Variants in MAPK8IP3 observed in about 807,000 individuals in gnomAD.
MAPK8IP3 encodes the protein C-Jun-amino-terminal kinase-interacting protein 3.
A neutral mutation model predicts 157.8 loss-of-function variants in MAPK8IP3; 49 were observed. That is an observed-to-expected ratio of 0.31 (90% confidence interval 0.25 to 0.39). MAPK8IP3 has a LOEUF of 0.39. Among genes scored for constraint, MAPK8IP3 ranks in the 10% least tolerant of loss-of-function variants. The probability of loss-of-function intolerance (pLI) is 1.00; values close to 1 mark genes in which losing one functional copy is unlikely to be tolerated. For missense variants in MAPK8IP3, 1,478 were observed against 1,889.4 expected (o/e 0.78, Z 4.04); for synonymous variants, 897 against 777.7 (o/e 1.15, Z -2.55).
intron 2 of MAPK8IP3, among the ~76,000 whole-genome samples, chr16:1,727,271 C>T (rs749493189): frequency 1.4e-5 from 2 of 139,754 alleles, no homozygotes; most frequent in Non-Finnish European, 3.1e-5. Context: ...TGTGTAGCGT[C>T]TGTGAGTTGT....
In MAPK8IP3 at chr16:1,766,735, C is replaced by T. The variant is rs560987601; in HGVS notation, c.2952C>T (p.His984=). Residue 984 remains histidine (H), a synonymous_variant, in exon 24 of 32, where the codon CAC becomes CAT. Coordinates refer to ENST00000610761, the MANE Select transcript of MAPK8IP3 (RefSeq NM_001318852.2). ...LGAQNGWLYV[H]SAVANWKKCL... Reference sequence around the variant, plus strand: ...CTTCCTTCCCTAGGCTCTATGTGCACTCGGCTGTGGCCAACTGGAAGAAGT... The same window carrying T: ...CTTCCTTCCCTAGGCTCTATGTGCATTCGGCTGTGGCCAACTGGAAGAAGT... 35 of 1,612,856 alleles carry T rather than the reference C, an allele frequency of 2.2e-5. No individual in the cohort carries two copies. The Admixed American group carries it at 4.7e-4, about 21-fold the overall frequency.
chr16:1,714,412 T>TTC (rs2038006304), intron 1 of MAPK8IP3, among the ~76,000 whole-genome samples: 1 of 152,240 alleles, frequency 6.6e-6, no homozygotes, highest in African/African-American at 2.4e-5. Flanking sequence ...GAGCCACTGT[T>TTC]ACGGCAAGAG....
intron 4 of MAPK8IP3, among the ~76,000 whole-genome samples, chr16:1,739,114 G>C (rs1036463696): frequency 7.1e-6 from 1 of 140,320 alleles, no homozygotes; most frequent in Admixed American, 7.3e-5. Flanking sequence ...CCGTCTGTGT[G>C]AGCATCCGTG....
chr16:1,740,659 C>T (rs550733599), intron 4 of MAPK8IP3, among the ~76,000 whole-genome samples: 2 of 152,356 alleles, frequency 1.3e-5, no homozygotes, highest in South Asian at 4.1e-4. Context: ...TGTGCTGTCG[C>T]TGCCGTGTGC....
At chr16:1,723,745 G>A (rs570940988) in intron 1 of MAPK8IP3, among the ~76,000 whole-genome samples, 1 of 152,264 alleles carries the variant, frequency 6.6e-6, no homozygotes, top group South Asian at 2.1e-4. Flanking sequence ...CTCCCTCTCT[G>A]GGCTGCTGTA....
At chr16:1,739,184 A>G (rs1409197835) in intron 4 of MAPK8IP3, among the ~76,000 whole-genome samples, 1 of 104,458 alleles carries the variant, frequency 9.6e-6, no homozygotes, top group Non-Finnish European at 1.9e-5. Flanking sequence ...CCATGTGAGC[A>G]TCCGTGTGAC....
In MAPK8IP3 at chr16:1,768,865, C is replaced by CG. The variant is rs747415896; in HGVS notation, c.*42dup. ...TGGCCCGACCTGTACATAGGACCCC[C>CG]GACCACCTGACCCCCGCCCGGCCCG... On this transcript the variant is annotated 3_prime_UTR_variant, in exon 32 of 32. Coordinates refer to ENST00000610761, the MANE Select transcript of MAPK8IP3 (RefSeq NM_001318852.2). The CG allele has an allele frequency of 6.2e-7, 1 of 1,600,760 alleles. No homozygotes were observed. The highest frequency in any genetic ancestry group is 8.5e-7 in the Non-Finnish European group (1 of 1,174,398).
At chr16:1,726,661 G>C (rs185910149) in intron 2 of MAPK8IP3, among the ~76,000 whole-genome samples, 213 of 152,334 alleles carry the variant, frequency 1.4e-3, no homozygotes, top group African/African-American at 4.9e-3. Context: ...GGGTGACAGA[G>C]TGAGACCCTG....
At chr16:1,738,031 C>G (rs1172895410) in intron 4 of MAPK8IP3, among the ~76,000 whole-genome samples, 1 of 63,738 alleles carries the variant, frequency 1.6e-5, no homozygotes. Context: ...TGTGAGCATC[C>G]GTGTGAGCGT....
In MAPK8IP3 at chr16:1,748,641, C is replaced by A. The variant is rs748141642; in HGVS notation, c.1137C>A (p.Asn379Lys). ...QGIVNKAFGI[N>K]TDSLYHELST... ...TCGTGAACAAAGCTTTCGGCATCAA[C>A]ACCGACTCCCTGTACCATGAGCTGT... The change falls in exon 8 of 32, where the codon AAC (asparagine) becomes AAA (lysine). Residue 379 changes from asparagine to lysine, a missense_variant. Asn to Lys is a moderately conservative substitution (Grantham distance 94). Coordinates refer to ENST00000610761, the MANE Select transcript of MAPK8IP3 (RefSeq NM_001318852.2). 6.2e-7 allele frequency: 1 copy of A among 1,614,186 alleles called. No individual in the cohort carries two copies. The highest frequency in any genetic ancestry group is 1.7e-5 in the Admixed American group (1 of 60,032).
At chr16:1,752,381 G>A (rs375432456) in intron 8 of MAPK8IP3, 135 of 255,252 alleles carry the variant, frequency 5.3e-4, no homozygotes, top group African/African-American at 3.0e-3. Flanking sequence ...AGGCTGGCAC[G>A]ACAGGCTGCT....
At chr16:1,734,785 G>A (rs931499703) in intron 4 of MAPK8IP3, among the ~76,000 whole-genome samples, 3 of 152,272 alleles carry the variant, frequency 2.0e-5, no homozygotes, top group Non-Finnish European at 4.4e-5. Flanking sequence ...AAAACCCCTT[G>A]ATTCACCATG....
intron 5 of MAPK8IP3, chr16:1,745,002 A>G: frequency 3.0e-6 from 3 of 984,986 alleles, no homozygotes; most frequent in Non-Finnish European, 3.6e-6. Context: ...AGTTGTGGCT[A>G]CTCATGGTGA....
At position 1,762,212 on chromosome 16, in the gene MAPK8IP3, C is replaced by T. The variant is rs1010298140; in HGVS notation, c.1540-139C>T. 5 of 1,173,366 alleles carry T rather than the reference C, an allele frequency of 4.3e-6. No individual in the cohort carries two copies. In the African/African-American group the frequency reaches 4.6e-5, roughly 11 times the overall value. 72.7% of individuals were successfully genotyped at this position (1,173,366 alleles called of 1,614,324 possible). On this transcript the variant is annotated intron_variant, in intron 13 of 31. Coordinates refer to ENST00000610761, the MANE Select transcript of MAPK8IP3 (RefSeq NM_001318852.2). Reference sequence around the variant, plus strand: ...GGTTCCCCTCCCCGCTTGCCGACACCCCTCCACACCGCTTCTTGCCTGAGG... The same window carrying T: ...GGTTCCCCTCCCCGCTTGCCGACACTCCTCCACACCGCTTCTTGCCTGAGG...
Position 1,766,823 on chromosome 16 carries a change from G to A in MAPK8IP3, c.3020+20G>A, listed in dbSNP as rs1277135487. On this transcript the variant is annotated intron_variant, in intron 24 of 31. Transcript: ENST00000610761. ...CCTGGTGTGGGTGACCCCAGACCGA[G>A]GGCCGGGCGGCGCGGGGGAACGGGG... is the stretch of plus-strand genomic sequence containing the variant. 2 of 1,612,574 alleles carry A rather than the reference G, an allele frequency of 1.2e-6. No homozygotes were observed. The highest frequency in any genetic ancestry group is 8.5e-7 in the Non-Finnish European group (1 of 1,179,916).
chr16:1,750,675 C>T (rs1238473894), intron 8 of MAPK8IP3, among the ~76,000 whole-genome samples: 1 of 151,318 alleles, frequency 6.6e-6, no homozygotes, highest in African/African-American at 2.4e-5. Context: ...GACGGAGTCC[C>T]ACTTTGTGGG....
chr16:1,764,573 G>A, intron 19 of MAPK8IP3, 114 bp downstream of exon 19: 1 of 1,361,570 alleles, frequency 7.3e-7, no homozygotes. Flanking sequence ...CCCGGAAGCA[G>A]GGCAGCGCAG....
At chr16:1,735,995 CGT>C (rs1258843913) in intron 4 of MAPK8IP3, among the ~76,000 whole-genome samples, 5 of 126,484 alleles carry the variant, frequency 4.0e-5, no homozygotes, top group South Asian at 3.0e-4. Flanking sequence ...TGTGAGCATC[CGT>C]GTGACCGTCC....
intron 8 of MAPK8IP3, among the ~76,000 whole-genome samples, chr16:1,750,905 G>C: frequency 6.6e-6 from 1 of 151,708 alleles, no homozygotes; most frequent in South Asian, 2.1e-4. Context: ...CGGCCTCCCA[G>C]AGTGCTGGGA....
Sources: gnomAD v4.1 joint callset for allele counts (sites outside exome capture counted in the v4.1 genomes callset) on GRCh38, gnomAD v4.1.1 for gene constraint, MANE v1.5 for transcripts, NCBI Gene and HGNC (gene_info 2026-07-23, HGNC 2026-07-21) for gene names.